The following SLC22A24 variants were observed in gnomAD, a reference collection of about 807,000 sequenced individuals.
SLC22A24 encodes solute carrier family 22 member 24, also known as steroid transmembrane transporter SLC22A24.
A neutral mutation model predicts 49.8 loss-of-function variants in SLC22A24; 53 were observed. That is an observed-to-expected ratio of 1.06 (90% confidence interval 0.85 to 1.34). SLC22A24 has a LOEUF of 1.34. Ranked by LOEUF, SLC22A24 falls within the 40% of genes most tolerant of loss-of-function variation. SLC22A24 has a pLI of 0.00. For synonymous variants in SLC22A24, 302 were observed against 256.4 expected, an observed-to-expected ratio of 1.18 and a Z score of -1.70; for missense variants, 786 against 675.9, an observed-to-expected ratio of 1.16 and a Z score of -1.81.
At chr11:63,091,709 C>A (rs1052448852) in intron 6 of SLC22A24, among the ~76,000 whole-genome samples, 1 of 152,108 alleles carries the variant, frequency 6.6e-6, no homozygotes, top group African/African-American at 2.4e-5. Flanking sequence ...ATTCAACACC[C>A]TTTCATGCTA....
intron 6 of SLC22A24, among the ~76,000 whole-genome samples, chr11:63,095,201 G>A (rs1385134526): frequency 6.6e-6 from 1 of 152,094 alleles, no homozygotes; most frequent in African/African-American, 2.4e-5. Flanking sequence ...CATATGGCTA[G>A]CCAGTTGAAG....
intron 2 of SLC22A24, among the ~76,000 whole-genome samples, chr11:63,129,208 C>T (rs1306194958): frequency 1.3e-5 from 2 of 152,146 alleles, no homozygotes; most frequent in African/African-American, 2.4e-5. Context: ...AGCCAGTTTT[C>T]CCAGCACCAC....
chr11:63,141,440 C>A (rs1179655107), intron 1 of SLC22A24, among the ~76,000 whole-genome samples: 1 of 152,102 alleles, frequency 6.6e-6, no homozygotes, highest in South Asian at 2.1e-4. Flanking sequence ...ATTGGAGAAA[C>A]TGGTCATTTT....
intron 8 of SLC22A24, 107 bp downstream of exon 8, chr11:63,081,449 TAC>T: frequency 1.3e-6 from 1 of 783,084 alleles, no homozygotes; most frequent in South Asian, 1.6e-5. Context: ...TCATTTCTAT[TAC>T]AGTTAATTCA....
chr11:63,097,930 G>A (rs111444489), intron 5 of SLC22A24, among the ~76,000 whole-genome samples: 3,896 of 152,086 alleles, frequency 0.026, 155 homozygotes, highest in African/African-American at 0.089. Flanking sequence ...GGGATGGGGG[G>A]CAAAAGGAGG....
chr11:63,080,965 G>T lies in SLC22A24; in HGVS notation c.1553C>A (p.Thr518Asn), dbSNP rs1017545704. The T allele has an allele frequency of 3.9e-6, 6 of 1,552,476 alleles. No individual in the cohort carries two copies. The Admixed American group carries it at 7.8e-5, about 20-fold the overall frequency. ...AVPVILLLPE[T>N]RDLPLPNTIQ... ...GGTGTTAGGAAGAGGTAGATCCCTG[G>T]TTTCTGGAAGGAGGAGGATAACAGG... Residue 518 changes from threonine to asparagine, a missense_variant, in exon 9 of 10, where the codon ACC (threonine) becomes AAC (asparagine). Physicochemically the swap from Thr to Asn is moderately conservative, Grantham distance 65 (BLOSUM62 0). Transcript: ENST00000612278.
chr11:63,092,740 CTG>C (rs1314586912), intron 6 of SLC22A24, among the ~76,000 whole-genome samples: 1 of 151,274 alleles, frequency 6.6e-6, no homozygotes, highest in Non-Finnish European at 1.5e-5. Context: ...CATAAAAACT[CTG>C]TAAGAAAAGC....
At chr11:63,113,726 T>C (rs936611131) in intron 4 of SLC22A24, among the ~76,000 whole-genome samples, 1 of 151,778 alleles carries the variant, frequency 6.6e-6, no homozygotes, top group Non-Finnish European at 1.5e-5. Context: ...TAGTGGCACA[T>C]GCCTGTAGTC....
chr11:63,132,221 A>T (rs1225184914), intron 2 of SLC22A24, among the ~76,000 whole-genome samples: 1 of 152,206 alleles, frequency 6.6e-6, no homozygotes, highest in African/African-American at 2.4e-5. Flanking sequence ...GAAATGGGTT[A>T]GAACATGCTT....
At chr11:63,102,493 G>A (rs998749350) in intron 5 of SLC22A24, among the ~76,000 whole-genome samples, 5 of 152,128 alleles carry the variant, frequency 3.3e-5, no homozygotes, top group African/African-American at 1.2e-4. Flanking sequence ...GTTTGTTGCT[G>A]TGAATTTTGT....
At chr11:63,092,143 C>T (rs1351073077) in intron 6 of SLC22A24, among the ~76,000 whole-genome samples, 1 of 151,956 alleles carries the variant, frequency 6.6e-6, no homozygotes, top group Non-Finnish European at 1.5e-5. Flanking sequence ...GAGTGAACTC[C>T]CATTCACAAT....
intron 6 of SLC22A24, among the ~76,000 whole-genome samples, chr11:63,090,080 C>CAAAAAAA (rs60285946): frequency 3.2e-4 from 21 of 64,676 alleles, no homozygotes; most frequent in African/African-American, 5.2e-4. Context: ...GACTCTGTCT[C>CAAAAAAA]AAAAAAAAAA....
intron 6 of SLC22A24, among the ~76,000 whole-genome samples, chr11:63,092,767 C>T (rs1194340059): frequency 6.6e-6 from 1 of 151,714 alleles, no homozygotes; most frequent in South Asian, 2.1e-4. Flanking sequence ...CAGTGCCATT[C>T]AGGACACAGG....
intron 6 of SLC22A24, among the ~76,000 whole-genome samples, chr11:63,092,453 A>G (rs1425340248): frequency 7.2e-6 from 1 of 138,600 alleles, no homozygotes; most frequent in Non-Finnish European, 1.6e-5. Flanking sequence ...GAAAATCCTA[A>G]GGAAAGAGAA....
chr11:63,093,882 A>G (rs7927369), intron 6 of SLC22A24, among the ~76,000 whole-genome samples: 75,939 of 151,860 alleles, frequency 0.5, 19,135 homozygotes, highest in East Asian at 0.54. Flanking sequence ...TAAATTTACA[A>G]TGTGATACTA....
At chr11:63,115,778 T>C (rs1236533961) in intron 4 of SLC22A24, 5 of 171,256 alleles carry the variant, frequency 2.9e-5, no homozygotes, top group African/African-American at 1.2e-4. Flanking sequence ...CAGGTTTACT[T>C]GTACAAATAG....
chr11:63,124,130 T>C (rs1398802321), intron 2 of SLC22A24, among the ~76,000 whole-genome samples: 1 of 152,076 alleles, frequency 6.6e-6, no homozygotes, highest in Middle Eastern at 3.2e-3. Flanking sequence ...AAATGCTACA[T>C]GATGGGAACC....
At chr11:63,116,354 C>T (rs11828941) in intron 4 of SLC22A24, 2,815 of 193,874 alleles carry the variant, frequency 0.015, 86 homozygotes, top group African/African-American at 0.061. Flanking sequence ...CACCTTAAGC[C>T]GCAGCTCCCA....
chr11:63,081,662 C>T lies in SLC22A24; in HGVS notation c.1290G>A (p.Met430Ile). The T allele has an allele frequency of 6.5e-7, 1 of 1,548,202 alleles. No individual in the cohort carries two copies. The highest frequency in any genetic ancestry group is 8.7e-7 in the Non-Finnish European group (1 of 1,143,862). The stretch of plus-strand genomic sequence containing the variant: ...TTGCTAAAACCACACGCAGGATCTG[C>T]ATTTCTAGAGAGAACAGTGAGAATC... ...ILVNTFLPQE[M>I]QILRVVLATL... Residue 430 changes from methionine to isoleucine, a missense_variant, in exon 8 of 10, where the codon ATG (methionine) becomes ATA (isoleucine). By Grantham distance (10) the Met-to-Ile change is conservative. Transcript: ENST00000612278.
Sources: allele counts gnomAD v4.1 joint callset (sites outside exome capture counted in the v4.1 genomes callset), GRCh38; gene constraint gnomAD v4.1.1; transcripts MANE v1.5; gene names NCBI Gene and HGNC (gene_info 2026-07-23, HGNC 2026-07-21).